CBFA2T2: variants seen among roughly 807,000 people sequenced by gnomAD.
CBFA2T2 encodes CBFA2/RUNX1 partner transcriptional co-repressor 2.
Under a neutral mutation model 62.2 loss-of-function variants are expected in CBFA2T2, and 11 were observed. The ratio of observed to expected loss-of-function variants is 0.18; its 90% confidence interval spans 0.11 to 0.29. The LOEUF is 0.29. CBFA2T2 is among the 10% of genes least tolerant of loss of function. CBFA2T2 has a pLI of 1.00. For synonymous variants in CBFA2T2, 295 were observed against 287.5 expected (o/e 1.03, Z -0.27); for missense variants, 592 against 774.1 (o/e 0.76, Z 2.79).
chr20:33,499,994 C>T (rs961444228), intron 1 of CBFA2T2, among the ~76,000 whole-genome samples: 2 of 152,048 alleles, frequency 1.3e-5, no homozygotes, highest in African/African-American at 4.8e-5. Flanking sequence ...AAGACAGTCT[C>T]TGTCGCTCAG....
intron 1 of CBFA2T2, among the ~76,000 whole-genome samples, chr20:33,527,368 A>ATTT (rs66870528): frequency 5.1e-4 from 38 of 74,456 alleles, no homozygotes; most frequent in African/African-American, 1.7e-3. Flanking sequence ...GGCCCGACTG[A>ATTT]TTTTTTTTTT....
At chr20:33,522,427 C>G (rs1425342388) in intron 1 of CBFA2T2, among the ~76,000 whole-genome samples, 2 of 152,022 alleles carry the variant, frequency 1.3e-5, no homozygotes, top group Non-Finnish European at 2.9e-5. Flanking sequence ...TCTGGTACTA[C>G]CAAGTAAAAA....
At chr20:33,597,812 A>G (rs2014954296) in intron 1 of CBFA2T2, among the ~76,000 whole-genome samples, 1 of 152,042 alleles carries the variant, frequency 6.6e-6, no homozygotes, top group South Asian at 2.1e-4. Flanking sequence ...TAATTCTTTT[A>G]TTTTTTGAAA....
intron 1 of CBFA2T2, among the ~76,000 whole-genome samples, chr20:33,538,885 G>C (rs1259733652): frequency 6.6e-6 from 1 of 150,436 alleles, no homozygotes; most frequent in Non-Finnish European, 1.5e-5. Context: ...TTTCTGTGAG[G>C]TATTCTCTCA....
At chr20:33,585,204 T>TA (rs2014311285) in intron 1 of CBFA2T2, among the ~76,000 whole-genome samples, 1 of 152,182 alleles carries the variant, frequency 6.6e-6, no homozygotes. Context: ...GGCATTCAAG[T>TA]AGGTGTCTAA....
chr20:33,531,374 A>T (rs560557890), intron 1 of CBFA2T2, among the ~76,000 whole-genome samples: 6 of 152,358 alleles, frequency 3.9e-5, no homozygotes, highest in Non-Finnish European at 5.9e-5. Flanking sequence ...AAATGCTGTC[A>T]TTTAGGCCAG....
intron 6 of CBFA2T2, among the ~76,000 whole-genome samples, chr20:33,627,891 A>G (rs2016300958): frequency 1.3e-5 from 2 of 152,212 alleles, no homozygotes; most frequent in African/African-American, 2.4e-5. Flanking sequence ...AAGTTTCAGT[A>G]TATATCAAAA....
Position 33,548,841 on chromosome 20 carries a change from C to T in CBFA2T2, c.35-58115C>T, listed in dbSNP as rs187763684. Among the ~76,000 whole-genome samples, 307 of 152,084 alleles carry T rather than the reference C, an allele frequency of 2.0e-3. 2 individuals carry two copies. Among genetic ancestry groups the T allele is most frequent in the African/African-American group, 6.9e-3 (288 of 41,494 alleles). The stretch of plus-strand genomic sequence containing the variant: ...CATGGTGGCATTCTTCTGGAGTTGC[C>T]GCTACTCAGGAGGCTGAAGCAGGAA... On this transcript the variant is annotated intron_variant, in intron 1 of 10. Transcript: ENST00000342704.
Position 33,623,216 on chromosome 20 carries a change from C to G in CBFA2T2, c.612C>G (p.Asn204Lys). The change falls in exon 5 of 11, where the codon AAC becomes AAG. Residue 204 changes from asparagine (N) to lysine (K), a missense_variant. By Grantham distance (94) the Asn-to-Lys change is moderately conservative. Transcript: ENST00000342704. ...YLAQHEHLLL[N>K]TSIASPADSS... Reference sequence around the variant, plus strand: ...CTCAGCACGAACACCTTCTGCTCAACACAAGCATTGCATCGCCTGCTGACT... The same window carrying G: ...CTCAGCACGAACACCTTCTGCTCAAGACAAGCATTGCATCGCCTGCTGACT... The G allele has an allele frequency of 1.2e-6, 2 of 1,614,290 alleles. No homozygotes were observed. The highest frequency in any genetic ancestry group is 1.7e-6 in the Non-Finnish European group (2 of 1,180,054).
intron 1 of CBFA2T2, among the ~76,000 whole-genome samples, chr20:33,525,265 A>G (rs1446114295): frequency 6.6e-6 from 1 of 150,626 alleles, no homozygotes; most frequent in Non-Finnish European, 1.5e-5. Context: ...GGCTCACCAC[A>G]ACCTCCGCCT....
intron 1 of CBFA2T2, among the ~76,000 whole-genome samples, chr20:33,550,608 G>GTTAGTTATTTATTTATTTAT (rs1555834284): frequency 1.3e-5 from 2 of 150,084 alleles, no homozygotes; most frequent in African/African-American, 4.9e-5. Context: ...TACTAATGTG[G>GTTAGTTATTTATTTATTTAT]TTATTTATTT....
chr20:33,546,620 T>A (rs548695197), intron 1 of CBFA2T2, among the ~76,000 whole-genome samples: 58 of 151,828 alleles, frequency 3.8e-4, no homozygotes, highest in African/African-American at 9.2e-4. Flanking sequence ...TTTTTTTTTT[T>A]AATTTTTTGT....
At chr20:33,490,727 A>G (rs1287976121) in intron 1 of CBFA2T2, among the ~76,000 whole-genome samples, 2 of 152,220 alleles carry the variant, frequency 1.3e-5, no homozygotes, top group African/African-American at 2.4e-5. Flanking sequence ...CAGGCTCAGT[A>G]GTTGGCTACC....
At chr20:33,593,692 C>A (rs1244541512) in intron 1 of CBFA2T2, among the ~76,000 whole-genome samples, 1 of 152,192 alleles carries the variant, frequency 6.6e-6, no homozygotes, top group East Asian at 1.9e-4. Flanking sequence ...CACGCCCAAC[C>A]TTCTGACTGG....
intron 1 of CBFA2T2, among the ~76,000 whole-genome samples, chr20:33,587,931 T>C (rs756435692): frequency 2.6e-5 from 4 of 152,184 alleles, no homozygotes; most frequent in Non-Finnish European, 5.9e-5. Context: ...TGAAATTGCA[T>C]TAGAAAATTT....
intron 1 of CBFA2T2, among the ~76,000 whole-genome samples, chr20:33,516,194 G>A (rs1241398893): frequency 6.6e-6 from 1 of 152,166 alleles, no homozygotes; most frequent in Admixed American, 6.6e-5. Flanking sequence ...CGTCAGACGG[G>A]CATGGTGGCT....
chr20:33,516,700 C>T (rs144835684), intron 1 of CBFA2T2, among the ~76,000 whole-genome samples: 31 of 152,296 alleles, frequency 2.0e-4, no homozygotes, highest in African/African-American at 7.5e-4. Context: ...TTCACCTCAT[C>T]GCTGAAAGTT....
At chr20:33,522,937 T>A (rs1175372239) in intron 1 of CBFA2T2, among the ~76,000 whole-genome samples, 1 of 152,096 alleles carries the variant, frequency 6.6e-6, no homozygotes, top group Non-Finnish European at 1.5e-5. Context: ...AAAAAGAAAA[T>A]CCAATGGAAA....
At chr20:33,628,539 G>A in intron 7 of CBFA2T2, 104 bp downstream of exon 7, 1 of 761,368 alleles carries the variant, frequency 1.3e-6, no homozygotes, top group Non-Finnish European at 2.3e-6. Flanking sequence ...TATGATCTCA[G>A]TTCACTGCAA....
Sources: gnomAD v4.1 joint callset for allele counts (sites outside exome capture counted in the v4.1 genomes callset) on GRCh38, gnomAD v4.1.1 for gene constraint, MANE v1.5 for transcripts, NCBI Gene and HGNC (gene_info 2026-07-23, HGNC 2026-07-21) for gene names.